NR3C2: variants seen among roughly 807,000 people sequenced by gnomAD.
NR3C2 encodes mineralocorticoid receptor.
A neutral mutation model predicts 86.4 loss-of-function variants in NR3C2; 15 were observed. The observed-to-expected ratio is 0.17, with a 90% CI of 0.12 to 0.27. NR3C2 has a LOEUF of 0.27. NR3C2 is among the 10% of genes least tolerant of loss of function. NR3C2 has a pLI of 1.00. For synonymous variants in NR3C2, 458 were observed against 450.5 expected (o/e 1.02, Z -0.21); for missense variants, 960 against 1,195.6 (o/e 0.80, Z 2.91).
rs533220886 is a variant in NR3C2 at position 148,331,896 on chromosome 4, A to G, written c.1758-71779T>C. Reference sequence around the variant, plus strand: ...ATTCTTCTTCACAGCTCCATCTCACAAGGTTGAAGAGGTGCAGTAAGAGTA... The same window carrying G: ...ATTCTTCTTCACAGCTCCATCTCACGAGGTTGAAGAGGTGCAGTAAGAGTA... On this transcript the variant is annotated intron_variant, in intron 2 of 8. Transcript: ENST00000358102. Among the ~76,000 whole-genome samples, 5 of 152,286 alleles carry G rather than the reference A, an allele frequency of 3.3e-5. No homozygotes were observed. The East Asian group carries it at 9.6e-4, about 29-fold the overall frequency.
chr4:148,097,732 C>CT (rs58632041), intron 8 of NR3C2, among the ~76,000 whole-genome samples: 11 of 133,952 alleles, frequency 8.2e-5, no homozygotes, highest in East Asian at 2.1e-4. Flanking sequence ...CATGATGAGA[C>CT]TTTTTTGCGT....
At chr4:148,104,374 G>T (rs73853740) in intron 8 of NR3C2, among the ~76,000 whole-genome samples, 15,982 of 65,014 alleles carry the variant, frequency 0.25, 1,155 homozygotes, top group Non-Finnish European at 0.29. Flanking sequence ...CATAATTTAT[G>T]TCCTCCCCTC....
intron 2 of NR3C2, among the ~76,000 whole-genome samples, chr4:148,311,492 A>G (rs1339776548): frequency 6.6e-6 from 1 of 152,122 alleles, no homozygotes; most frequent in African/African-American, 2.4e-5. Flanking sequence ...ATCAAAATAC[A>G]TCCAGAATTG....
At chr4:148,105,357 C>T (rs563039918) in intron 8 of NR3C2, among the ~76,000 whole-genome samples, 6 of 152,246 alleles carry the variant, frequency 3.9e-5, no homozygotes, top group African/African-American at 1.4e-4. Context: ...AGACCAATAA[C>T]TAGTTCTGAA....
At chr4:148,187,001 TATATATATATATATATATA>T (rs1735945137) in intron 4 of NR3C2, among the ~76,000 whole-genome samples, 1 of 15,144 alleles carries the variant, frequency 6.6e-5, no homozygotes, top group African/African-American at 7.5e-4. Flanking sequence ...TGTATGTATA[TATATATATATATATATATA>T]TATATATATA....
chr4:148,397,369 T>A (rs1417705076), intron 2 of NR3C2, among the ~76,000 whole-genome samples: 2 of 152,218 alleles, frequency 1.3e-5, no homozygotes, highest in Admixed American at 1.3e-4. Context: ...AATAGGAAAG[T>A]GTCTGGAGCC....
chr4:148,443,237 AAAAAAAAAAAAAAAAAAGAG>A (rs916613863), upstream of NR3C2, among the ~76,000 whole-genome samples: 53 of 124,396 alleles, frequency 4.3e-4, 1 homozygote, highest in Non-Finnish European at 2.0e-4. Flanking sequence ...AAAAAAAAAA[AAAAAAAAAAAAAAAAAAGAG>A]AGAGAGAGAA....
intron 3 of NR3C2, among the ~76,000 whole-genome samples, chr4:148,206,599 T>C (rs6846591): frequency 0.75 from 114,065 of 152,154 alleles, 43,773 homozygotes; most frequent in African/African-American, 0.92. Flanking sequence ...AAAAGTGATA[T>C]AAGGGGTAAA....
intron 2 of NR3C2, among the ~76,000 whole-genome samples, chr4:148,263,096 A>G (rs980843953): frequency 4.0e-5 from 6 of 151,586 alleles, no homozygotes; most frequent in African/African-American, 1.2e-4. Context: ...CTTTTCTTTT[A>G]TTTCTATACT....
intron 4 of NR3C2, among the ~76,000 whole-genome samples, chr4:148,186,760 C>T (rs955662115): frequency 6.7e-6 from 1 of 148,234 alleles, no homozygotes; most frequent in Non-Finnish European, 1.5e-5. Context: ...TATCCCTTAC[C>T]CCCCTCCCAC....
intron 2 of NR3C2, among the ~76,000 whole-genome samples, chr4:148,409,906 A>G (rs917668119): frequency 6.6e-6 from 1 of 152,130 alleles, no homozygotes; most frequent in South Asian, 2.1e-4. Context: ...TCCCCTACAC[A>G]TAATTGAAAA....
chr4:148,417,059 G>C (rs1749049038), intron 2 of NR3C2, among the ~76,000 whole-genome samples: 1 of 152,158 alleles, frequency 6.6e-6, no homozygotes, highest in Admixed American at 6.5e-5. Context: ...TTACAGGCGT[G>C]AGCCACCGCA....
chr4:148,257,613 T>C (rs1204518120), intron 3 of NR3C2, among the ~76,000 whole-genome samples: 2 of 152,158 alleles, frequency 1.3e-5, no homozygotes, highest in African/African-American at 4.8e-5. Flanking sequence ...TTTTGTGAAA[T>C]GAGTTTTACA....
intron 8 of NR3C2, among the ~76,000 whole-genome samples, chr4:148,113,147 GCTATAT>G (rs1436712739): frequency 9.2e-5 from 14 of 152,174 alleles, no homozygotes; most frequent in Admixed American, 7.2e-4. Context: ...AACCACCTCG[GCTATAT>G]CTATAATTGA....
At chr4:148,429,247 A>G (rs1749689767) in intron 2 of NR3C2, among the ~76,000 whole-genome samples, 1 of 152,206 alleles carries the variant, frequency 6.6e-6, no homozygotes. Context: ...GCCAAATTTC[A>G]GTTTCATATC....
At chr4:148,227,588 T>C (rs548961430) in intron 3 of NR3C2, among the ~76,000 whole-genome samples, 8 of 152,308 alleles carry the variant, frequency 5.3e-5, no homozygotes, top group Admixed American at 3.3e-4. Flanking sequence ...ACCATGGTGA[T>C]GGCCAAGTAG....
intron 2 of NR3C2, among the ~76,000 whole-genome samples, chr4:148,336,929 C>G (rs2149976194): frequency 6.6e-6 from 1 of 152,094 alleles, no homozygotes; most frequent in East Asian, 1.9e-4. Flanking sequence ...GTAGCTGGGA[C>G]TACAGGCATA....
Position 148,225,039 on chromosome 4 carries a change from G to A in NR3C2, c.1898-30177C>T, listed in dbSNP as rs1207994243. Among the ~76,000 whole-genome samples the A allele has an allele frequency of 2.6e-5, 4 of 152,166 alleles. No individual in the cohort carries two copies. The South Asian group carries it at 6.2e-4, about 24-fold the overall frequency. ...AGCATTAAGGAATTATAACTTCAGC[G>A]AGGATGCCATGTAAGAACTGGAACT... On this transcript the variant is annotated intron_variant, in intron 3 of 8. Coordinates refer to ENST00000358102, the MANE Select transcript of NR3C2 (RefSeq NM_000901.5).
chr4:148,080,978 T>C lies in NR3C2; in HGVS notation c.*366A>G, dbSNP rs1365940516. On this transcript the variant is annotated 3_prime_UTR_variant, in exon 9 of 9. Transcript: ENST00000358102. Reference sequence around the variant, plus strand: ...TAAGCTTTAAAACGTTCGTTAGTCCTTGAACCCTTTTAAAACAAGCGAACG... The same window carrying C: ...TAAGCTTTAAAACGTTCGTTAGTCCCTGAACCCTTTTAAAACAAGCGAACG... The C allele has an allele frequency of 1.2e-5, 4 of 347,714 alleles. No homozygotes were observed. Among genetic ancestry groups the C allele is most frequent in the South Asian group, 2.4e-5 (1 of 41,580 alleles). The allele number at this position is 347,714 out of a possible 1,614,324, so 21.5% of individuals were successfully genotyped here. A position where few individuals can be genotyped will look rare whatever the true frequency, so the allele number is the denominator to read the frequency against.
Sources: allele counts gnomAD v4.1 joint callset (sites outside exome capture counted in the v4.1 genomes callset), GRCh38; gene constraint gnomAD v4.1.1; transcripts MANE v1.5; gene names NCBI Gene and HGNC (gene_info 2026-07-23, HGNC 2026-07-21).